The following PCDH11X variants were observed in gnomAD, a reference collection of about 807,000 sequenced individuals.
The protein encoded by PCDH11X is protocadherin-11 X-linked.
PCDH11X carries 18 observed loss-of-function variants against 53.3 expected under a neutral mutation model. That is an observed-to-expected ratio of 0.34 (90% CI 0.23 to 0.50). PCDH11X has a LOEUF of 0.50. PCDH11X is among the 20% of genes least tolerant of loss of function. The pLI is 0.98. For missense variants in PCDH11X, 570 were observed against 1,032.4 expected, an observed-to-expected ratio of 0.55 and a Z score of 6.14; for synonymous variants, 279 against 393.3, an observed-to-expected ratio of 0.71 and a Z score of 3.44.
chrX:92,469,038 G>A (rs1195413640), intron 10 of PCDH11X, among the ~76,000 whole-genome samples: 1 of 107,503 alleles, frequency 9.3e-6, no homozygotes, highest in Non-Finnish European at 1.9e-5. Flanking sequence ...CTTTATATTT[G>A]GTGATGTTTC....
At chrX:92,237,462 A>G (rs1263976567) in intron 7 of PCDH11X, among the ~76,000 whole-genome samples, 1 of 111,221 alleles carries the variant, frequency 9.0e-6, no homozygotes, top group Non-Finnish European at 1.9e-5. Flanking sequence ...TTCCAAATAC[A>G]GAAGTGTATT....
intron 8 of PCDH11X, among the ~76,000 whole-genome samples, chrX:92,298,921 T>G (rs2148467054): frequency 8.9e-6 from 1 of 112,078 alleles, no homozygotes; most frequent in East Asian, 2.8e-4. Context: ...AAGTGTGCAT[T>G]CATTTAAAGA....
At position 91,801,709 on chromosome X, in the gene PCDH11X, C is replaced by A. The variant is rs142955707; in HGVS notation, c.-378-7757C>A. Among the ~76,000 whole-genome samples the A allele has an allele frequency of 6.0e-3, 669 of 111,732 alleles. 3 individuals carry two copies. The highest frequency in any genetic ancestry group is 0.02 in the African/African-American group (627 of 30,835). On this transcript the variant is annotated intron_variant, in intron 1 of 10. Coordinates refer to ENST00000682573, the MANE Select transcript of PCDH11X (RefSeq NM_032968.5). Reference sequence around the variant, plus strand: ...TAATGATTTGTTTTGCAGAAAGATTCTTCATTGTGTAAATGAATTCATCAT... The same window carrying A: ...TAATGATTTGTTTTGCAGAAAGATTATTCATTGTGTAAATGAATTCATCAT...
At chrX:92,342,898 A>G (rs746752285) in intron 8 of PCDH11X, among the ~76,000 whole-genome samples, 3 of 112,263 alleles carry the variant, frequency 2.7e-5, no homozygotes, top group Non-Finnish European at 5.6e-5. Flanking sequence ...ATGTGAAGGT[A>G]GTTATATTAT....
At chrX:91,861,133 T>A (rs934150469) in intron 5 of PCDH11X, among the ~76,000 whole-genome samples, 6 of 111,557 alleles carry the variant, frequency 5.4e-5, no homozygotes, top group African/African-American at 2.0e-4. Context: ...GGTAAGCTAT[T>A]TATTACTCCT....
At chrX:92,026,038 G>C (rs1404997185) in intron 6 of PCDH11X, among the ~76,000 whole-genome samples, 1 of 110,662 alleles carries the variant, frequency 9.0e-6, no homozygotes, top group African/African-American at 3.3e-5. Flanking sequence ...AGACACTGGG[G>C]CCTACTGGAG....
At chrX:92,402,331 G>C (rs1178866576) in intron 9 of PCDH11X, among the ~76,000 whole-genome samples, 2 of 111,625 alleles carry the variant, frequency 1.8e-5, no homozygotes, top group Non-Finnish European at 3.8e-5. Context: ...AATAGCCAAG[G>C]CAAATCTTAA....
intron 6 of PCDH11X, among the ~76,000 whole-genome samples, chrX:92,119,442 A>G (rs898787475): frequency 1.3e-4 from 14 of 111,478 alleles, no homozygotes; most frequent in African/African-American, 4.2e-4. Flanking sequence ...GCAATATGCT[A>G]TTACAGAACC....
intron 6 of PCDH11X, among the ~76,000 whole-genome samples, chrX:91,972,777 C>G (rs962909064): frequency 9.1e-6 from 1 of 110,255 alleles, no homozygotes; most frequent in Non-Finnish European, 1.9e-5. Flanking sequence ...GGCGTTATTT[C>G]TGAGGGCTCT....
intron 8 of PCDH11X, among the ~76,000 whole-genome samples, chrX:92,273,383 G>T (rs989282286): frequency 9.0e-6 from 1 of 111,260 alleles, no homozygotes; most frequent in Non-Finnish European, 1.9e-5. Flanking sequence ...TCACAATGGT[G>T]GAATGTCATC....
intron 6 of PCDH11X, among the ~76,000 whole-genome samples, chrX:91,966,208 A>C (rs1233333547): frequency 2.8e-5 from 3 of 109,049 alleles, no homozygotes; most frequent in Non-Finnish European, 5.7e-5. Context: ...GAATGCAGAT[A>C]AAACAAATAT....
intron 10 of PCDH11X, among the ~76,000 whole-genome samples, chrX:92,584,111 G>A (rs1171788660): frequency 1.8e-5 from 2 of 110,474 alleles, no homozygotes; most frequent in African/African-American, 6.6e-5. Flanking sequence ...CAAAATTTAT[G>A]GGATGCAACT....
intron 8 of PCDH11X, among the ~76,000 whole-genome samples, chrX:92,312,358 G>GA (rs899751862): frequency 9.1e-6 from 1 of 110,474 alleles, no homozygotes; most frequent in African/African-American, 3.3e-5. Flanking sequence ...TATGTAGTAT[G>GA]AAAAAAATTT....
At chrX:92,521,220 T>A (rs1365593107) in intron 10 of PCDH11X, among the ~76,000 whole-genome samples, 1 of 112,000 alleles carries the variant, frequency 8.9e-6, no homozygotes, top group African/African-American at 3.2e-5. Flanking sequence ...GCTATACCCA[T>A]GGAAAATATA....
At chrX:92,102,824 G>T (rs573248381) in intron 6 of PCDH11X, among the ~76,000 whole-genome samples, 2 of 111,656 alleles carry the variant, frequency 1.8e-5, no homozygotes, top group Non-Finnish European at 1.9e-5. Flanking sequence ...AAACAATTTG[G>T]TTGATAAAGC....
chrX:92,091,543 G>A (rs905338671), intron 6 of PCDH11X, among the ~76,000 whole-genome samples: 4 of 111,150 alleles, frequency 3.6e-5, no homozygotes, highest in Admixed American at 9.6e-5. Flanking sequence ...CAAGGTGGTC[G>A]GGGCACAGCT....
intron 5 of PCDH11X, among the ~76,000 whole-genome samples, chrX:91,838,050 G>A (rs866625943): frequency 4.1e-4 from 46 of 111,647 alleles, no homozygotes; most frequent in African/African-American, 1.5e-3. Flanking sequence ...ATTAGCAATA[G>A]GGTCTCTTCA....
At chrX:92,388,720 A>C (rs2071064024) in intron 9 of PCDH11X, among the ~76,000 whole-genome samples, 1 of 110,948 alleles carries the variant, frequency 9.0e-6, no homozygotes, top group African/African-American at 3.3e-5. Flanking sequence ...TGTAGATACA[A>C]AAAAGCATAC....
At chrX:92,361,380 C>T (rs893755628) in intron 8 of PCDH11X, among the ~76,000 whole-genome samples, 2 of 111,445 alleles carry the variant, frequency 1.8e-5, no homozygotes, top group Non-Finnish European at 3.8e-5. Flanking sequence ...TGAAACTCTT[C>T]ACTTCCTTTT....
Sources: allele counts gnomAD v4.1 joint callset (sites outside exome capture counted in the v4.1 genomes callset), GRCh38; gene constraint gnomAD v4.1.1; transcripts MANE v1.5; gene names NCBI Gene and HGNC (gene_info 2026-07-23, HGNC 2026-07-21).